Variants in THSD7A observed in about 807,000 individuals in gnomAD.
THSD7A encodes the protein thrombospondin type-1 domain-containing protein 7A.
THSD7A carries 96 observed loss-of-function variants against 231.3 expected under a neutral mutation model. The ratio of observed to expected loss-of-function variants is 0.41; its 90% CI spans 0.35 to 0.49. THSD7A has a LOEUF of 0.49. THSD7A is among the 20% of genes least tolerant of loss of function. THSD7A has a pLI of 0.05. For synonymous variants in THSD7A, 940 were observed against 743.3 expected, an observed-to-expected ratio of 1.26 and a Z score of -4.30; for missense variants, 2,290 against 2,070.2, an observed-to-expected ratio of 1.11 and a Z score of -2.06.
chr7:11,484,693 T>G (rs1786573857), intron 6 of THSD7A, among the ~76,000 whole-genome samples: 1 of 151,922 alleles, frequency 6.6e-6, no homozygotes, highest in Non-Finnish European at 1.5e-5. Context: ...AAATTTTAAG[T>G]TGTGCTAGGA....
In THSD7A at chr7:11,784,950, C is replaced by G. The variant is rs144081252; in HGVS notation, c.190+46807G>C. 8.5e-5 allele frequency among the ~76,000 whole-genome samples: 13 copies of G among 152,164 alleles called. No homozygotes were observed. In the East Asian group the frequency reaches 2.5e-3, roughly 29 times the overall value. On this transcript the variant is annotated intron_variant, in intron 1 of 27. Transcript: ENST00000423059. ...TTTATCACCTTAGATAGGTAGTAAA[C>G]CTTGCACTTAAAGCATCTGAGATGG...
chr7:11,784,066 C>T (rs1048075460), intron 1 of THSD7A, among the ~76,000 whole-genome samples: 2 of 151,856 alleles, frequency 1.3e-5, no homozygotes, highest in Non-Finnish European at 2.9e-5. Flanking sequence ...TCACATCGCA[C>T]AGAAAGTTAC....
chr7:11,542,043 G>C (rs1789173782), intron 5 of THSD7A, among the ~76,000 whole-genome samples: 1 of 152,182 alleles, frequency 6.6e-6, no homozygotes, highest in African/African-American at 2.4e-5. Flanking sequence ...CCGATGACCA[G>C]ACAAAAGTGC....
At chr7:11,671,962 G>C (rs1040576366) in intron 1 of THSD7A, among the ~76,000 whole-genome samples, 3 of 151,938 alleles carry the variant, frequency 2.0e-5, no homozygotes, top group African/African-American at 7.2e-5. Context: ...TGTTCTCTTA[G>C]CTTCATTCTT....
intron 1 of THSD7A, among the ~76,000 whole-genome samples, chr7:11,680,440 G>A (rs1449268513): frequency 6.6e-6 from 1 of 152,082 alleles, no homozygotes; most frequent in Non-Finnish European, 1.5e-5. Context: ...GAAAATTTTT[G>A]CAATGTATCC....
At chr7:11,670,143 C>A (rs778895689) in intron 1 of THSD7A, among the ~76,000 whole-genome samples, 20 of 152,180 alleles carry the variant, frequency 1.3e-4, no homozygotes, top group African/African-American at 4.1e-4. Flanking sequence ...AAAAGCAGAT[C>A]TTTGTGTCAA....
intron 13 of THSD7A, among the ~76,000 whole-genome samples, chr7:11,434,581 A>C (rs1350185086): frequency 6.6e-6 from 1 of 152,108 alleles, no homozygotes; most frequent in Non-Finnish European, 1.5e-5. Flanking sequence ...GTTGCTTCTG[A>C]TTTATAGCTG....
intron 1 of THSD7A, among the ~76,000 whole-genome samples, chr7:11,745,249 A>T (rs1782249513): frequency 1.3e-5 from 2 of 151,950 alleles, no homozygotes; most frequent in Non-Finnish European, 1.5e-5. Flanking sequence ...TTCTTCTGAG[A>T]AATGTCTGTT....
At chr7:11,654,161 T>C (rs1353859491) in intron 1 of THSD7A, among the ~76,000 whole-genome samples, 3 of 151,926 alleles carry the variant, frequency 2.0e-5, no homozygotes, top group Non-Finnish European at 4.4e-5. Flanking sequence ...GATAATTAAA[T>C]ATAATCTATA....
chr7:11,767,890 A>C (rs1783081718), intron 1 of THSD7A, among the ~76,000 whole-genome samples: 1 of 152,182 alleles, frequency 6.6e-6, no homozygotes, highest in Non-Finnish European at 1.5e-5. Flanking sequence ...ACATTCAAGG[A>C]ATAAGGACTT....
intron 4 of THSD7A, among the ~76,000 whole-genome samples, chr7:11,556,929 G>A (rs146522465): frequency 1.3e-5 from 2 of 151,918 alleles, no homozygotes; most frequent in Non-Finnish European, 2.9e-5. Flanking sequence ...AATATGTCTT[G>A]GCATGTATTT....
chr7:11,554,591 G>T (rs1031522269), intron 4 of THSD7A, among the ~76,000 whole-genome samples: 5 of 151,940 alleles, frequency 3.3e-5, no homozygotes, highest in African/African-American at 1.2e-4. Flanking sequence ...GAATTACATT[G>T]ACTAACTTTT....
intron 1 of THSD7A, among the ~76,000 whole-genome samples, chr7:11,778,143 C>A (rs565411772): frequency 7.6e-3 from 487 of 64,280 alleles, no homozygotes; most frequent in African/African-American, 0.024. Flanking sequence ...GGCGACAGAG[C>A]GAGACTCCGT....
At chr7:11,797,938 T>C (rs1339968243) in intron 1 of THSD7A, among the ~76,000 whole-genome samples, 2 of 152,158 alleles carry the variant, frequency 1.3e-5, no homozygotes, top group Non-Finnish European at 2.9e-5. Flanking sequence ...AGATTAATAA[T>C]ATTTTAAATA....
At chr7:11,779,328 C>T (rs1264559401) in intron 1 of THSD7A, among the ~76,000 whole-genome samples, 1 of 152,162 alleles carries the variant, frequency 6.6e-6, no homozygotes, top group Non-Finnish European at 1.5e-5. Flanking sequence ...TCCTTTCATT[C>T]ACCTTAATGG....
At chr7:11,758,920 G>A (rs1782768776) in intron 1 of THSD7A, among the ~76,000 whole-genome samples, 1 of 152,084 alleles carries the variant, frequency 6.6e-6, no homozygotes, top group Non-Finnish European at 1.5e-5. Context: ...ATTCATGAAA[G>A]CAGGCAGCAG....
Position 11,553,744 on chromosome 7 carries a change from A to G in THSD7A, c.1454-10627T>C, listed in dbSNP as rs192016490. Among the ~76,000 whole-genome samples the G allele has an allele frequency of 1.8e-4, 27 of 152,202 alleles. No homozygotes were observed. In the East Asian group the frequency reaches 3.9e-3, roughly 22 times the overall value. On this transcript the variant is annotated intron_variant, in intron 4 of 27. Coordinates refer to ENST00000423059, the MANE Select transcript of THSD7A (RefSeq NM_015204.3). ...TCTGAAGTTTCCAAAACAAATTTAA[A>G]AAATGAGGCTGATGCATTTCTGTGG...
At chr7:11,624,950 T>G (rs1235962465) in intron 2 of THSD7A, among the ~76,000 whole-genome samples, 2 of 152,122 alleles carry the variant, frequency 1.3e-5, no homozygotes, top group Non-Finnish European at 2.9e-5. Context: ...CAGAGAAGTA[T>G]ATTTTTGATA....
At chr7:11,509,924 A>G (rs1166253312) in intron 6 of THSD7A, among the ~76,000 whole-genome samples, 1 of 151,922 alleles carries the variant, frequency 6.6e-6, no homozygotes, top group East Asian at 1.9e-4. Flanking sequence ...CTCACCACAA[A>G]TAAATGAAAA....
Sources: allele counts gnomAD v4.1 joint callset (sites outside exome capture counted in the v4.1 genomes callset), GRCh38; gene constraint gnomAD v4.1.1; transcripts MANE v1.5; gene names NCBI Gene and HGNC (gene_info 2026-07-23, HGNC 2026-07-21).